Variants in ADRA1A observed in about 807,000 individuals in gnomAD.
The protein encoded by ADRA1A is adrenoceptor alpha 1A, also known as alpha-1A adrenergic receptor.
In ADRA1A, 31 loss-of-function variants were observed where a neutral mutation model predicts 29.6. The observed-to-expected ratio is 1.05, with a 90% CI of 0.79 to 1.41. ADRA1A has a LOEUF of 1.41. ADRA1A is among the 40% of genes most tolerant of loss of function. The pLI is 0.00. For missense variants in ADRA1A, 619 were observed against 601.1 expected (o/e 1.03, Z -0.31); for synonymous variants, 311 against 254.3 (o/e 1.22, Z -2.12).
Position 26,855,004 on chromosome 8 carries a change from A to T in ADRA1A, c.883+9083T>A, listed in dbSNP as rs112756969. ...GAAGGTAGGTCTTCTTCAGACACTAAATCTGTTGGTACATTGAGCTCAGAC... is the reference window on the plus strand; with the variant it reads ...GAAGGTAGGTCTTCTTCAGACACTATATCTGTTGGTACATTGAGCTCAGAC... On this transcript the variant is annotated intron_variant, in intron 2 of 2. Coordinates refer to ENST00000380573, the MANE Select transcript of ADRA1A (RefSeq NM_000680.4). Among the ~76,000 whole-genome samples, 1,058 of 152,222 alleles carry T rather than the reference A, an allele frequency of 7.0e-3. 12 individuals carry two copies. The highest frequency in any genetic ancestry group is 0.025 in the African/African-American group (1,018 of 41,526).
Position 26,865,681 on chromosome 8 carries a change from G to A in ADRA1A, c.-686-26C>T, listed in dbSNP as rs1813856056. The stretch of plus-strand genomic sequence containing the variant: ...CTGAAAGAGCGCAAAGAGAAAGGCG[G>A]CTTTGAGCTAGGCGCCCCAGGGAAA... On this transcript the variant is annotated intron_variant, in intron 1 of 2. Coordinates refer to ENST00000380573, the MANE Select transcript of ADRA1A (RefSeq NM_000680.4). This position sits in a 1 kb window ranked among gnomAD's most constrained non-coding sequence, Gnocchi z 7.6. The A allele has an allele frequency of 2.0e-6, 2 of 985,902 alleles. No homozygotes were observed. Among genetic ancestry groups the A allele is most frequent in the Admixed American group, 6.1e-5 (1 of 16,276 alleles). 61.1% of individuals were successfully genotyped at this position (985,902 alleles called of 1,614,324 possible). A position where few individuals can be genotyped will look rare whatever the true frequency, so the allele number is the denominator to read the frequency against.
chr8:26,761,028 G>A (rs554751704), downstream of ADRA1A, among the ~76,000 whole-genome samples: 1 of 152,324 alleles, frequency 6.6e-6, no homozygotes, highest in African/African-American at 2.4e-5. Context: ...CCTGCTTAGG[G>A]GCTGGAGTAC....
In ADRA1A at chr8:26,805,963, C is replaced by A. The variant is rs1283645031; in HGVS notation, c.884-35297G>T. On this transcript the variant is annotated intron_variant, in intron 2 of 2. Transcript: ENST00000380573. This position sits in a 1 kb window ranked among gnomAD's most constrained non-coding sequence, Gnocchi z 4.8. ...CACTGTTGCAGGTGCAGGCCCCCTCCACACCCACTCTGGAAAGCTGAGGGT... is the reference window on the plus strand; with the variant it reads ...CACTGTTGCAGGTGCAGGCCCCCTCAACACCCACTCTGGAAAGCTGAGGGT... 1.3e-5 allele frequency among the ~76,000 whole-genome samples: 2 copies of A among 152,212 alleles called. No homozygotes were observed. Among genetic ancestry groups the A allele is most frequent in the Non-Finnish European group, 2.9e-5 (2 of 68,048 alleles).
rs757470788 is a variant in ADRA1A, at chr8:26,864,066, T to C, written c.883+21A>G. ...GGGTGAAGACCCCCAGATGCTAAAGTGAGGGGTGTTCAAGACTTACCAATG... is the reference window on the plus strand; with the variant it reads ...GGGTGAAGACCCCCAGATGCTAAAGCGAGGGGTGTTCAAGACTTACCAATG... On this transcript the variant is annotated intron_variant, in intron 2 of 2. Coordinates refer to ENST00000380573, the MANE Select transcript of ADRA1A (RefSeq NM_000680.4). The surrounding 1 kb of genome is among the most constrained non-coding windows in gnomAD (Gnocchi z 8.1). 7 of 1,597,922 alleles carry C rather than the reference T, an allele frequency of 4.4e-6. No individual in the cohort carries two copies. The Admixed American group carries it at 6.9e-5, about 16-fold the overall frequency.
chr8:26,820,816 T>C (rs1390159991), intron 2 of ADRA1A, among the ~76,000 whole-genome samples: 2 of 152,220 alleles, frequency 1.3e-5, no homozygotes, highest in African/African-American at 2.4e-5. Flanking sequence ...TAATTGTAGA[T>C]TCATATATGG....
chr8:26,772,485 T>C (rs947224079), intron 2 of ADRA1A, among the ~76,000 whole-genome samples: 2 of 152,250 alleles, frequency 1.3e-5, no homozygotes, highest in African/African-American at 4.8e-5. Context: ...GTTGGTAGAA[T>C]GGCTTTGGGA....
intron 2 of ADRA1A, among the ~76,000 whole-genome samples, chr8:26,810,409 T>C (rs898391594): frequency 6.6e-6 from 1 of 152,214 alleles, no homozygotes. Context: ...ATTGCATGTG[T>C]ACCTGGAATG....
At chr8:26,844,794 A>C (rs1812079619) in intron 2 of ADRA1A, among the ~76,000 whole-genome samples, 1 of 152,200 alleles carries the variant, frequency 6.6e-6, no homozygotes, top group South Asian at 2.1e-4. Context: ...TCTTAGGAGA[A>C]AACATAAGGA....
downstream of ADRA1A, among the ~76,000 whole-genome samples, chr8:26,762,657 C>T (rs1254188644): frequency 4.6e-5 from 7 of 152,136 alleles, no homozygotes; most frequent in East Asian, 5.8e-4. The surrounding 1 kb of genome is among the most constrained non-coding windows in gnomAD (Gnocchi z 4.0). Context: ...AAACAGGGGA[C>T]GAAGAAGGGA....
downstream of ADRA1A, among the ~76,000 whole-genome samples, chr8:26,753,080 C>T (rs1804991088): frequency 6.6e-6 from 1 of 152,164 alleles, no homozygotes; most frequent in Non-Finnish European, 1.5e-5. Flanking sequence ...AACCACATTG[C>T]TGAGGAGTCC....
chr8:26,829,536 A>G (rs1810821500), intron 2 of ADRA1A, among the ~76,000 whole-genome samples: 1 of 152,194 alleles, frequency 6.6e-6, no homozygotes, highest in African/African-American at 2.4e-5. Context: ...AGGAAAAAAT[A>G]TAGTTAGGAA....
At chr8:26,830,596 T>C (rs938523844) in intron 2 of ADRA1A, among the ~76,000 whole-genome samples, 1 of 152,226 alleles carries the variant, frequency 6.6e-6, no homozygotes, top group Non-Finnish European at 1.5e-5. Flanking sequence ...GACAGCATAG[T>C]TGAACCTTCT....
chr8:26,802,608 T>G (rs1808666704), intron 2 of ADRA1A, among the ~76,000 whole-genome samples: 1 of 152,116 alleles, frequency 6.6e-6, no homozygotes, highest in African/African-American at 2.4e-5. Context: ...AAGAGAACTC[T>G]CATACACCGT....
chr8:26,775,410 A>AT lies in ADRA1A; in HGVS notation c.884-4745dup, dbSNP rs1806472930. The stretch of plus-strand genomic sequence containing the variant: ...TTTTTTGTAATGTTATTTTACTACC[A>AT]TTTTTTCCTTGCTCTATCATCTGGC... On this transcript the variant is annotated intron_variant, in intron 2 of 2. Transcript: ENST00000380573. This position sits in a 1 kb window ranked among gnomAD's most constrained non-coding sequence, Gnocchi z 4.1. 6.6e-6 allele frequency among the ~76,000 whole-genome samples: 1 copy of AT among 151,532 alleles called. No individual in the cohort carries two copies. Among genetic ancestry groups the AT allele is most frequent in the African/African-American group, 2.4e-5 (1 of 41,188 alleles).
At position 26,823,396 on chromosome 8, in the gene ADRA1A, G is replaced by C. The variant is rs1397558595; in HGVS notation, c.883+40691C>G. ...GTCATGAATGGGAATGCACACCAGT[G>C]TAATATCTTTGTCCCTGGTGAGCCG... On this transcript the variant is annotated intron_variant, in intron 2 of 2. Coordinates refer to ENST00000380573, the MANE Select transcript of ADRA1A (RefSeq NM_000680.4). This position sits in a 1 kb window ranked among gnomAD's most constrained non-coding sequence, Gnocchi z 4.2. Among the ~76,000 whole-genome samples the C allele has an allele frequency of 1.3e-5, 2 of 152,136 alleles. No individual in the cohort carries two copies. Among genetic ancestry groups the C allele is most frequent in the African/African-American group, 4.8e-5 (2 of 41,426 alleles).
intron 2 of ADRA1A, among the ~76,000 whole-genome samples, chr8:26,845,471 A>G (rs1812133131): frequency 6.6e-6 from 1 of 152,230 alleles, no homozygotes; most frequent in African/African-American, 2.4e-5. Flanking sequence ...AGAGCCCTCA[A>G]ACATTGCTGG....
In ADRA1A at chr8:26,787,876, G is replaced by C. The variant is rs755729165; in HGVS notation, c.884-17210C>G. ...TGTAGCAGCTCTGCATCTACTTTCA[G>C]GGTATCTTCTCAGTCATTAGTGCTA... On this transcript the variant is annotated intron_variant, in intron 2 of 2. Coordinates refer to ENST00000380573, the MANE Select transcript of ADRA1A (RefSeq NM_000680.4). The surrounding 1 kb of genome is among the most constrained non-coding windows in gnomAD (Gnocchi z 4.2). Among the ~76,000 whole-genome samples the C allele has an allele frequency of 4.6e-5, 7 of 151,778 alleles. No homozygotes were observed. Among genetic ancestry groups the C allele is most frequent in the Non-Finnish European group, 7.4e-5 (5 of 68,002 alleles).
intron 2 of ADRA1A, among the ~76,000 whole-genome samples, chr8:26,842,566 G>T (rs1811897885): frequency 6.6e-6 from 1 of 152,042 alleles, no homozygotes; most frequent in Non-Finnish European, 1.5e-5. Flanking sequence ...CCCCTGAGCA[G>T]GTCCTCATTC....
At chr8:26,849,558 G>T (rs1198082643) in intron 2 of ADRA1A, among the ~76,000 whole-genome samples, 1 of 152,132 alleles carries the variant, frequency 6.6e-6, no homozygotes, top group Admixed American at 6.5e-5. Context: ...TGGCAGATTC[G>T]AATCACAACA....
Sources: allele counts gnomAD v4.1 joint callset (sites outside exome capture counted in the v4.1 genomes callset), GRCh38; gene constraint gnomAD v4.1.1; non-coding constraint Gnocchi (gnomAD v3.1); transcripts MANE v1.5; gene names NCBI Gene and HGNC (gene_info 2026-07-23, HGNC 2026-07-21).